SIPA1L2: variants seen among roughly 807,000 people sequenced by gnomAD.
SIPA1L2 encodes the protein signal-induced proliferation-associated 1-like protein 2.
A neutral mutation model predicts 163.9 loss-of-function variants in SIPA1L2; 56 were observed. The ratio of observed to expected loss-of-function variants is 0.34; its 90% CI spans 0.28 to 0.43. The LOEUF (loss-of-function observed/expected upper bound fraction) is 0.43, where lower values mean the gene tolerates loss of function less well. Among genes scored for constraint, SIPA1L2 ranks in the 20% least tolerant of loss-of-function variants. The pLI is 1.00. For missense variants in SIPA1L2, 1,974 were observed against 2,193.5 expected (o/e 0.90, Z 2.00); for synonymous variants, 877 against 865.7 (o/e 1.01, Z -0.23).
At position 232,441,533 on chromosome 1, in the gene SIPA1L2, T is replaced by A. The variant is rs187413790; in HGVS notation, c.3539-139A>T. On this transcript the variant is annotated intron_variant, in intron 13 of 22. Transcript: ENST00000674635. ...GGGACTTTCTGGTCTTACCAATGGATATGTCACAAAAGTATACAGAACCAC... is the reference window on the plus strand; with the variant it reads ...GGGACTTTCTGGTCTTACCAATGGAAATGTCACAAAAGTATACAGAACCAC... 110 of 824,428 alleles carry A rather than the reference T, an allele frequency of 1.3e-4. 1 individual carries two copies. The East Asian group carries it at 2.4e-3, about 18-fold the overall frequency. 51.1% of individuals were successfully genotyped at this position (824,428 alleles called of 1,614,324 possible). A position where few individuals can be genotyped will look rare whatever the true frequency, so the allele number is the denominator to read the frequency against.
At chr1:232,468,961 T>C (rs971663789) in intron 8 of SIPA1L2, among the ~76,000 whole-genome samples, 4 of 152,200 alleles carry the variant, frequency 2.6e-5, no homozygotes, top group African/African-American at 9.6e-5. Context: ...GTTGCCTCAT[T>C]TCTCCTAGTT....
chr1:232,567,644 G>A (rs761246763), intron 2 of SIPA1L2, among the ~76,000 whole-genome samples: 1 of 152,212 alleles, frequency 6.6e-6, no homozygotes. Flanking sequence ...GTATTGGACT[G>A]TGATAGTGTA....
chr1:232,412,267 T>C (rs1661000340), intron 19 of SIPA1L2, among the ~76,000 whole-genome samples: 1 of 152,174 alleles, frequency 6.6e-6, no homozygotes, highest in South Asian at 2.1e-4. Flanking sequence ...AGGGATCAAT[T>C]ACACTATTGG....
At chr1:232,427,899 C>CA (rs1448526895) in intron 17 of SIPA1L2, among the ~76,000 whole-genome samples, 1 of 152,226 alleles carries the variant, frequency 6.6e-6, no homozygotes. Context: ...AACAGGATTA[C>CA]ATTTAAGGAG....
At chr1:232,437,555 C>T (rs529703451) in intron 15 of SIPA1L2, among the ~76,000 whole-genome samples, 17 of 152,324 alleles carry the variant, frequency 1.1e-4, no homozygotes, top group African/African-American at 4.1e-4. Flanking sequence ...CATCCACTCC[C>T]CCTTCTCCAG....
At chr1:232,472,992 C>A (rs1049771142) in intron 7 of SIPA1L2, among the ~76,000 whole-genome samples, 6 of 152,272 alleles carry the variant, frequency 3.9e-5, no homozygotes, top group African/African-American at 1.2e-4. Flanking sequence ...TATAAACACA[C>A]AAAAATCATC....
At chr1:232,442,218 A>G (rs1662944313) in intron 12 of SIPA1L2, among the ~76,000 whole-genome samples, 1 of 151,944 alleles carries the variant, frequency 6.6e-6, no homozygotes, top group African/African-American at 2.4e-5. Flanking sequence ...CTTAGAATAC[A>G]TGGCACTGAC....
intron 19 of SIPA1L2, among the ~76,000 whole-genome samples, chr1:232,415,083 C>T (rs148222031): frequency 9.8e-4 from 149 of 152,350 alleles, no homozygotes; most frequent in African/African-American, 3.5e-3. Context: ...ACAGACTTCT[C>T]GGCCTGTGCT....
At chr1:232,491,306 G>C (rs1303601366) in intron 4 of SIPA1L2, among the ~76,000 whole-genome samples, 2 of 152,142 alleles carry the variant, frequency 1.3e-5, no homozygotes, top group Non-Finnish European at 2.9e-5. Flanking sequence ...GTATGCCTAA[G>C]AATGAGAAGA....
chr1:232,413,357 A>C (rs1661063316), intron 19 of SIPA1L2, among the ~76,000 whole-genome samples: 1 of 152,218 alleles, frequency 6.6e-6, no homozygotes, highest in Admixed American at 6.5e-5. Context: ...GAAATCCCTA[A>C]ATTGATCATT....
At chr1:232,495,182 T>C (rs1274550670) in intron 3 of SIPA1L2, among the ~76,000 whole-genome samples, 1 of 152,208 alleles carries the variant, frequency 6.6e-6, no homozygotes. Flanking sequence ...CATTTACCTA[T>C]TTGCTGTTTG....
chr1:232,520,509 G>C (rs919809850), intron 2 of SIPA1L2, among the ~76,000 whole-genome samples: 22 of 152,180 alleles, frequency 1.4e-4, no homozygotes, highest in Non-Finnish European at 2.8e-4. Context: ...TTTTCCATGA[G>C]ACATCAGTGA....
At chr1:232,455,113 A>T (rs929025748) in intron 10 of SIPA1L2, among the ~76,000 whole-genome samples, 3 of 152,204 alleles carry the variant, frequency 2.0e-5, no homozygotes, top group Non-Finnish European at 4.4e-5. Flanking sequence ...AACAATCTGA[A>T]TGTTATATTG....
intron 1 of SIPA1L2, among the ~76,000 whole-genome samples, chr1:232,583,098 G>A (rs1271204309): frequency 6.6e-6 from 1 of 152,126 alleles, no homozygotes; most frequent in African/African-American, 2.4e-5. Context: ...TCAAATAGTT[G>A]TTCTTCCAAC....
intron 2 of SIPA1L2, among the ~76,000 whole-genome samples, chr1:232,536,421 A>C (rs1657310749): frequency 6.6e-6 from 1 of 152,186 alleles, no homozygotes; most frequent in South Asian, 2.1e-4. Context: ...TTCTAGCCGT[A>C]AGGGTCCCAA....
intron 3 of SIPA1L2, among the ~76,000 whole-genome samples, chr1:232,499,807 G>A (rs1666372910): frequency 1.6e-5 from 2 of 127,884 alleles, no homozygotes; most frequent in South Asian, 5.0e-4. Flanking sequence ...CAAAGGATAG[G>A]CTTGACTCTT....
rs191294959 is a variant in SIPA1L2, at chr1:232,451,644, C to T, written c.3096-5858G>A. On this transcript the variant is annotated intron_variant, in intron 10 of 22. Transcript: ENST00000674635. ...CTCATTGATACACATGCTTGGCTTC[C>T]TCTCGATATACCAAATCAAGTCAAT... 2.6e-5 allele frequency among the ~76,000 whole-genome samples: 4 copies of T among 152,304 alleles called. No homozygotes were observed. In the East Asian group the frequency reaches 7.8e-4, roughly 30 times the overall value.
chr1:232,518,800 C>T (rs927591891), intron 2 of SIPA1L2, among the ~76,000 whole-genome samples: 2 of 152,064 alleles, frequency 1.3e-5, no homozygotes, highest in East Asian at 3.9e-4. Context: ...TGTTTTCTTC[C>T]CCATTTTATC....
At chr1:232,627,926 TTC>T (rs2102900397) in intron 1 of SIPA1L2, among the ~76,000 whole-genome samples, 1 of 152,372 alleles carries the variant, frequency 6.6e-6, no homozygotes, top group African/African-American at 2.4e-5. Context: ...GTAGTTTTTC[TTC>T]TTTTTCCTTC....
Sources: allele counts gnomAD v4.1 joint callset (sites outside exome capture counted in the v4.1 genomes callset), GRCh38; gene constraint gnomAD v4.1.1; transcripts MANE v1.5; gene names NCBI Gene and HGNC (gene_info 2026-07-23, HGNC 2026-07-21).